Variants in EXOC4 observed in about 807,000 individuals in gnomAD.
The protein encoded by EXOC4 is exocyst complex component 4.
In EXOC4, 71 loss-of-function variants were observed where a neutral mutation model predicts 107.2. That is an observed-to-expected ratio of 0.66 (90% CI 0.55 to 0.81). EXOC4 has a LOEUF of 0.81. EXOC4 is among the 30% of genes least tolerant of loss of function. The probability of loss-of-function intolerance (pLI) is 0.00; values close to 1 mark genes in which losing one functional copy is unlikely to be tolerated. For missense variants in EXOC4, 1,108 were observed against 1,189.6 expected (o/e 0.93, Z 1.01); for synonymous variants, 456 against 441.2 (o/e 1.03, Z -0.42).
intron 14 of EXOC4, among the ~76,000 whole-genome samples, chr7:133,955,183 A>G (rs1022054217): frequency 6.6e-5 from 10 of 152,360 alleles, no homozygotes; most frequent in African/African-American, 2.4e-4. Context: ...TCCTGCATCC[A>G]GGAAGAATGA....
At chr7:133,430,349 A>G (rs1797828701) in intron 7 of EXOC4, among the ~76,000 whole-genome samples, 3 of 152,176 alleles carry the variant, frequency 2.0e-5, no homozygotes, top group African/African-American at 7.2e-5. Context: ...GGAAAAAGCA[A>G]CATTTGAGCG....
the EXOC4 span, among the ~76,000 whole-genome samples, chr7:134,072,471 T>C: frequency 6.6e-6 from 1 of 152,108 alleles, no homozygotes; most frequent in Non-Finnish European, 1.5e-5. Context: ...TAGGCCTGCT[T>C]CAGGGGAAGG....
chr7:134,050,009 A>G (rs1263129893), intron 17 of EXOC4, among the ~76,000 whole-genome samples: 1 of 152,208 alleles, frequency 6.6e-6, no homozygotes, highest in Non-Finnish European at 1.5e-5. Context: ...ATGAACTGAA[A>G]TGGAACCTTC....
intron 7 of EXOC4, among the ~76,000 whole-genome samples, chr7:133,398,330 AT>A (rs1797016663): frequency 6.6e-6 from 1 of 152,314 alleles, no homozygotes; most frequent in African/African-American, 2.4e-5. Context: ...CTTAAATGCC[AT>A]TTTTAATAAA....
At chr7:133,613,021 A>T (rs1802106664) in intron 9 of EXOC4, among the ~76,000 whole-genome samples, 2 of 152,100 alleles carry the variant, frequency 1.3e-5, no homozygotes, top group Admixed American at 1.3e-4. Context: ...ATATTGAACA[A>T]ATGTTTGGAG....
chr7:133,884,394 C>A (rs1799033042), intron 11 of EXOC4, among the ~76,000 whole-genome samples: 1 of 152,200 alleles, frequency 6.6e-6, no homozygotes, highest in African/African-American at 2.4e-5. Flanking sequence ...CCTCAATCCC[C>A]CATATGGCTG....
chr7:133,950,619 G>T (rs1800668023), intron 14 of EXOC4, among the ~76,000 whole-genome samples: 3 of 152,040 alleles, frequency 2.0e-5, no homozygotes, highest in Admixed American at 2.0e-4. Context: ...ACCTTTTAGG[G>T]GTACAGTCTT....
At chr7:133,481,909 A>G (rs1353049326) in intron 9 of EXOC4, among the ~76,000 whole-genome samples, 1 of 152,194 alleles carries the variant, frequency 6.6e-6, no homozygotes, top group Admixed American at 6.5e-5. Flanking sequence ...TAGGCTGCCA[A>G]GAGTGAAAGG....
rs12673315 is a variant in EXOC4 at position 133,957,032 on chromosome 7, A to C, written c.2206+18963A>C. Among the ~76,000 whole-genome samples the C allele has an allele frequency of 2.0e-5, 3 of 152,138 alleles. No individual in the cohort carries two copies. The East Asian group carries it at 5.8e-4, about 29-fold the overall frequency. On this transcript the variant is annotated intron_variant, in intron 14 of 17. Coordinates refer to ENST00000253861, the MANE Select transcript of EXOC4 (RefSeq NM_021807.4). ...CTATATAGAGAGGCTAAAATGTGCA[A>C]CTGAAATGATGCATCTTTTCAGTGT...
intron 10 of EXOC4, among the ~76,000 whole-genome samples, chr7:133,680,724 T>C (rs1794168698): frequency 6.6e-6 from 1 of 152,230 alleles, no homozygotes; most frequent in Non-Finnish European, 1.5e-5. Flanking sequence ...TGAATACATT[T>C]AAGCCCCTAA....
At chr7:133,905,405 G>A (rs1158543325) in intron 12 of EXOC4, among the ~76,000 whole-genome samples, 3 of 152,002 alleles carry the variant, frequency 2.0e-5, no homozygotes, top group African/African-American at 7.2e-5. Context: ...CACCCCTTGG[G>A]GCTTAAAGGG....
chr7:133,938,159 G>A (rs1047569680), intron 14 of EXOC4, 90 bp downstream of exon 14: 19 of 1,268,784 alleles, frequency 1.5e-5, no homozygotes, highest in South Asian at 2.8e-5. Flanking sequence ...ACTGGTCACC[G>A]TATGGGGGCG....
At chr7:133,381,262 G>GAGT (rs1446289731) in intron 7 of EXOC4, among the ~76,000 whole-genome samples, 1 of 40,782 alleles carries the variant, frequency 2.5e-5, no homozygotes, top group African/African-American at 1.3e-4. Context: ...ATACAGTACT[G>GAGT]AGTATTAAGC....
intron 11 of EXOC4, among the ~76,000 whole-genome samples, chr7:133,846,459 A>C (rs1048764813): frequency 6.6e-6 from 1 of 152,098 alleles, no homozygotes; most frequent in African/African-American, 2.4e-5. Flanking sequence ...CTTGCATGCT[A>C]TGTGGGTGGC....
At chr7:134,036,660 A>T (rs1276599139) in intron 17 of EXOC4, among the ~76,000 whole-genome samples, 1 of 152,214 alleles carries the variant, frequency 6.6e-6, no homozygotes, top group Non-Finnish European at 1.5e-5. Flanking sequence ...GCTTTATATA[A>T]TTCATAGATT....
At chr7:133,798,069 C>G (rs1046216995) in intron 10 of EXOC4, among the ~76,000 whole-genome samples, 1 of 151,690 alleles carries the variant, frequency 6.6e-6, no homozygotes, top group Non-Finnish European at 1.5e-5. Flanking sequence ...GAAGAGCAGC[C>G]CAGGCAGAGG....
At chr7:133,786,462 T>TC (rs1360993289) in intron 10 of EXOC4, among the ~76,000 whole-genome samples, 2 of 152,158 alleles carry the variant, frequency 1.3e-5, no homozygotes, top group Non-Finnish European at 2.9e-5. Flanking sequence ...CCAAAAACTA[T>TC]CCATGTTGGT....
chr7:133,830,865 C>T (rs186117667), intron 11 of EXOC4, among the ~76,000 whole-genome samples: 2 of 152,220 alleles, frequency 1.3e-5, no homozygotes, highest in South Asian at 2.1e-4. Flanking sequence ...TCTTGCTGTT[C>T]GGGATACCAC....
intron 14 of EXOC4, among the ~76,000 whole-genome samples, chr7:133,946,515 G>A (rs1019091095): frequency 6.6e-6 from 1 of 152,110 alleles, no homozygotes. Context: ...ACTGATAATT[G>A]TATGATGATC....
Sources: gnomAD v4.1 joint callset for allele counts (sites outside exome capture counted in the v4.1 genomes callset) on GRCh38, gnomAD v4.1.1 for gene constraint, MANE v1.5 for transcripts, NCBI Gene and HGNC (gene_info 2026-07-23, HGNC 2026-07-21) for gene names.